TRIP6: variants seen among roughly 807,000 people sequenced by gnomAD.
The protein encoded by TRIP6 is thyroid hormone receptor interactor 6, also known as thyroid receptor-interacting protein 6.
TRIP6 carries 33 observed loss-of-function variants against 51.9 expected under a neutral mutation model. The ratio of observed to expected loss-of-function variants is 0.64; its 90% CI spans 0.48 to 0.85. The LOEUF (loss-of-function observed/expected upper bound fraction) is 0.85, where lower values mean the gene tolerates loss of function less well. Among genes scored for constraint, TRIP6 ranks in the 40% least tolerant of loss-of-function variants. The pLI is 0.00. For missense variants in TRIP6, 661 were observed against 652.1 expected, an observed-to-expected ratio of 1.01 and a Z score of -0.15; for synonymous variants, 255 against 275.8, an observed-to-expected ratio of 0.92 and a Z score of 0.75.
At position 100,870,604 on chromosome 7, in the gene TRIP6, T is replaced by C. The variant is rs953691970; in HGVS notation, c.860T>C (p.Val287Ala). Residue 287 changes from valine to alanine, a missense_variant, in exon 6 of 9, where the codon GTT becomes GCT. By Grantham distance (64) the Val-to-Ala change is moderately conservative. Transcript: ENST00000200457. Reference sequence around the variant, plus strand: ...TGTGGTGGCTGCGGAGAAGATGTGGTTGGGGATGGGGCTGGGGTTGTGGCC... The same window carrying C: ...TGTGGTGGCTGCGGAGAAGATGTGGCTGGGGATGGGGCTGGGGTTGTGGCC... ...GQCGGCGEDV[V>A]GDGAGVVALD... The C allele has an allele frequency of 1.9e-6, 3 of 1,613,934 alleles. No homozygotes were observed. Among genetic ancestry groups the C allele is most frequent in the Admixed American group, 3.3e-5 (2 of 59,982 alleles).
In TRIP6 at chr7:100,868,555, T is replaced by C; in HGVS notation, c.424T>C (p.Ser142Pro). The stretch of plus-strand genomic sequence containing the variant: ...GGGCTCCCTGAAGCCAAATCCAGCC[T>C]CGCCGCTCCCAGCGTCTCCCTATGG... ...RTGSLKPNPA[S>P]PLPASPYGGP... Residue 142 changes from serine (S) to proline (P), a missense_variant, in exon 4 of 9, where the codon TCG becomes CCG. Coordinates refer to ENST00000200457, the MANE Select transcript of TRIP6 (RefSeq NM_003302.3). 3 of 1,613,054 alleles carry C rather than the reference T, an allele frequency of 1.9e-6. No homozygotes were observed. Among genetic ancestry groups the C allele is most frequent in the Non-Finnish European group, 2.5e-6 (3 of 1,180,012 alleles).
chr7:100,872,772 G>T (rs762900030), intron 8 of TRIP6, 28 bp downstream of exon 8: 3 of 1,613,308 alleles, frequency 1.9e-6, no homozygotes, highest in African/African-American at 1.3e-5. Flanking sequence ...CGTGCAAGGG[G>T]CTGGCAGTGT....
In TRIP6 at chr7:100,868,181, T is replaced by C; in HGVS notation, c.311T>C (p.Leu104Pro). Residue 104 changes from leucine to proline, a missense_variant, in exon 3 of 9, where the codon CTG becomes CCG. Transcript: ENST00000200457. ...DAEIDLLSST[L>P]AELNGGRGHA... is the part of the protein sequence containing the mutation. ...GAGATAGACTTGCTGAGCAGCACGC[T>C]GGCCGAGCTGAATGGGGGTCGGGGT... 1 of 1,609,430 alleles carries C rather than the reference T, an allele frequency of 6.2e-7. No individual in the cohort carries two copies. Among genetic ancestry groups the C allele is most frequent in the Non-Finnish European group, 8.5e-7 (1 of 1,178,196 alleles).
rs1055149272 is a variant in TRIP6, at chr7:100,867,399, C to G, written c.-99C>G. ...AAAAAAAAAAGCCAGAAAAAGTTTTCTTTTCTGGAGTCCCAAACGAGGTGC... is the reference window on the plus strand; with the variant it reads ...AAAAAAAAAAGCCAGAAAAAGTTTTGTTTTCTGGAGTCCCAAACGAGGTGC... On this transcript the variant is annotated 5_prime_UTR_variant, in exon 1 of 9. Coordinates refer to ENST00000200457, the MANE Select transcript of TRIP6 (RefSeq NM_003302.3). The surrounding 1 kb of genome is among the most constrained non-coding windows in gnomAD (Gnocchi z 5.4). 28 of 912,416 alleles carry G rather than the reference C, an allele frequency of 3.1e-5. No individual in the cohort carries two copies. The highest frequency in any genetic ancestry group is 4.2e-5 in the Non-Finnish European group (27 of 649,206). 56.5% of individuals were successfully genotyped at this position (912,416 alleles called of 1,614,324 possible).
intron 6 of TRIP6, 75 bp from the exon 7 acceptor site, chr7:100,871,468 T>C (rs1815265812): frequency 1.3e-6 from 2 of 1,508,058 alleles, no homozygotes; most frequent in Non-Finnish European, 1.8e-6. Context: ...ATTAGATGGC[T>C]GGGTTGCTGG....
In TRIP6 at chr7:100,868,567, G is replaced by C. The variant is rs1563002058; in HGVS notation, c.436G>C (p.Ala146Pro). Reference sequence around the variant, plus strand: ...GCCAAATCCAGCCTCGCCGCTCCCAGCGTCTCCCTATGGGGGCCCCACTCC... The same window carrying C: ...GCCAAATCCAGCCTCGCCGCTCCCACCGTCTCCCTATGGGGGCCCCACTCC... ...LKPNPASPLP[A>P]SPYGGPTPAS... is the part of the protein sequence containing the mutation. Residue 146 changes from alanine (A) to proline (P), a missense_variant, in exon 4 of 9, where the codon GCG becomes CCG. Physicochemically the swap from Ala to Pro is conservative, Grantham distance 27 (BLOSUM62 -1). Coordinates refer to ENST00000200457, the MANE Select transcript of TRIP6 (RefSeq NM_003302.3). 3 of 1,613,046 alleles carry C rather than the reference G, an allele frequency of 1.9e-6. No homozygotes were observed. Among genetic ancestry groups the C allele is most frequent in the Non-Finnish European group, 1.7e-6 (2 of 1,180,016 alleles).
Position 100,867,911 on chromosome 7 carries a change from T to C in TRIP6, c.160T>C (p.Cys54Arg). The C allele has an allele frequency of 2.0e-6, 3 of 1,525,106 alleles. No individual in the cohort carries two copies. The highest frequency in any genetic ancestry group is 2.6e-6 in the Non-Finnish European group (3 of 1,143,602). The allele number at this position is 1,525,106 out of a possible 1,614,324, so 94.5% of individuals were successfully genotyped here. Reference protein sequence around the residue: ...VNFCPLPSEQCYQAPGGPEDR... With the variant: ...VNFCPLPSEQRYQAPGGPEDR... ...TTTTTGCCCCCTTCCATCTGAGCAG[T>C]GTTACCAGGCCCCAGGGGGACCGGA... The change falls in exon 2 of 9, where the codon TGT (cysteine) becomes CGT (arginine). Residue 54 changes from cysteine (C) to arginine (R), a missense_variant. Physicochemically the swap from Cys to Arg is radical, Grantham distance 180 (BLOSUM62 -3). Transcript: ENST00000200457. The surrounding 1 kb of genome is among the most constrained non-coding windows in gnomAD (Gnocchi z 5.4).
At chr7:100,871,429 C>T (rs1467252124) in intron 6 of TRIP6, 114 bp from the exon 7 acceptor site, 6 of 996,062 alleles carry the variant, frequency 6.0e-6, no homozygotes, top group Admixed American at 4.5e-5. Context: ...GAATCACATG[C>T]AGGAGGCTGC....
In TRIP6 at chr7:100,867,955, G is replaced by C; in HGVS notation, c.204G>C (p.Trp68Cys). The C allele has an allele frequency of 6.6e-7, 1 of 1,514,202 alleles. No homozygotes were observed. 93.8% of individuals were successfully genotyped at this position (1,514,202 alleles called of 1,614,324 possible). A position where few individuals can be genotyped will look rare whatever the true frequency, so the allele number is the denominator to read the frequency against. Reference protein sequence around the residue: ...PGGPEDRGPAWVGSHGVLQHT... With the variant: ...PGGPEDRGPACVGSHGVLQHT... ...GACCGGAGGATCGGGGGCCGGCGTG[G>C]GTGGGGTCCCATGGAGTACTCCAGC... Residue 68 changes from tryptophan to cysteine, a missense_variant, in exon 2 of 9, where the codon TGG (tryptophan) becomes TGC (cysteine). By Grantham distance (215) the Trp-to-Cys change is radical (BLOSUM62 -2). Coordinates refer to ENST00000200457, the MANE Select transcript of TRIP6 (RefSeq NM_003302.3). The surrounding 1 kb of genome is among the most constrained non-coding windows in gnomAD (Gnocchi z 5.4).
Position 100,873,248 on chromosome 7 carries a change from C to T in TRIP6, c.1376C>T (p.Ala459Val), listed in dbSNP as rs1434314444. 6.2e-7 allele frequency: 1 copy of T among 1,613,524 alleles called. No homozygotes were observed. Among genetic ancestry groups the T allele is most frequent in the South Asian group, 1.1e-5 (1 of 91,080 alleles). ...YPLDGHILCK[A>V]CSAWRIQELS... ...CTGGATGGGCACATCTTGTGCAAGGCCTGCAGCGCCTGGCGCATCCAGGAG... is the reference window on the plus strand; with the variant it reads ...CTGGATGGGCACATCTTGTGCAAGGTCTGCAGCGCCTGGCGCATCCAGGAG... The change falls in exon 9 of 9, where the codon GCC (alanine) becomes GTC (valine). Residue 459 changes from alanine to valine, a missense_variant. Ala to Val is a moderately conservative substitution (Grantham distance 64, BLOSUM62 0). Transcript: ENST00000200457.
chr7:100,867,453 G>A lies in TRIP6; in HGVS notation c.-45G>A, dbSNP rs1338547538. 8.9e-6 allele frequency: 12 copies of A among 1,352,744 alleles called. No individual in the cohort carries two copies. The highest frequency in any genetic ancestry group is 1.2e-5 in the Non-Finnish European group (12 of 1,026,920). 83.8% of individuals were successfully genotyped at this position (1,352,744 alleles called of 1,614,324 possible). ...ACGGAAGAGGGGGTGAAGGCCAGAG[G>A]CTCGGGGCTTCAAGACCGCTGTCTG... is the stretch of plus-strand genomic sequence containing the variant. On this transcript the variant is annotated 5_prime_UTR_variant, in exon 1 of 9. Coordinates refer to ENST00000200457, the MANE Select transcript of TRIP6 (RefSeq NM_003302.3). This position sits in a 1 kb window ranked among gnomAD's most constrained non-coding sequence, Gnocchi z 5.4.
intron 4 of TRIP6, 83 bp from the exon 5 acceptor site, chr7:100,870,287 C>G: frequency 7.1e-7 from 1 of 1,408,778 alleles, no homozygotes; most frequent in Non-Finnish European, 9.8e-7. Context: ...CAGTTCCTAA[C>G]AGGCCATGGC....
chr7:100,867,438 G>A lies in TRIP6; in HGVS notation c.-60G>A, dbSNP rs1283968794. 5 of 1,234,546 alleles carry A rather than the reference G, an allele frequency of 4.1e-6. No individual in the cohort carries two copies. Among genetic ancestry groups the A allele is most frequent in the South Asian group, 1.6e-5 (1 of 60,842 alleles). The allele number at this position is 1,234,546 out of a possible 1,614,324, so 76.5% of individuals were successfully genotyped here. ...CAAACGAGGTGCGGGACGGAAGAGG[G>A]GGTGAAGGCCAGAGGCTCGGGGCTT... On this transcript the variant is annotated 5_prime_UTR_variant, in exon 1 of 9. Transcript: ENST00000200457. The surrounding 1 kb of genome is among the most constrained non-coding windows in gnomAD (Gnocchi z 5.4).
intron 7 of TRIP6, 97 bp from the exon 8 acceptor site, chr7:100,872,527 C>T (rs1379790877): frequency 6.4e-7 from 1 of 1,558,498 alleles, no homozygotes; most frequent in African/African-American, 1.4e-5. Flanking sequence ...CCTCTGGCCT[C>T]TCTGATTCCC....
chr7:100,872,280 G>A (rs1017788373), intron 7 of TRIP6, among the ~76,000 whole-genome samples: 1 of 144,758 alleles, frequency 6.9e-6, no homozygotes, highest in Non-Finnish European at 1.5e-5. Flanking sequence ...CGATCCACCT[G>A]CCTCGGCCGC....
At chr7:100,869,057 C>A in intron 4 of TRIP6, among the ~76,000 whole-genome samples, 191 bp downstream of exon 4, 1 of 152,214 alleles carries the variant, frequency 6.6e-6, no homozygotes, top group South Asian at 2.1e-4. Flanking sequence ...AAGTGATTCT[C>A]CTGCCTCAGC....
intron 4 of TRIP6, among the ~76,000 whole-genome samples, chr7:100,869,670 G>GC (rs1815228484): frequency 6.7e-6 from 1 of 149,466 alleles, no homozygotes; most frequent in South Asian, 2.1e-4. Context: ...CTGCCTACGG[G>GC]CCCCTGGGCT....
intron 5 of TRIP6, 22 bp from the exon 6 acceptor site, chr7:100,870,552 T>C: frequency 6.2e-7 from 1 of 1,610,382 alleles, no homozygotes; most frequent in Non-Finnish European, 8.5e-7. Flanking sequence ...TGAAGACTGA[T>C]GCTGTTTCTC....
intron 7 of TRIP6, 74 bp from the exon 8 acceptor site, chr7:100,872,550 C>T: frequency 6.3e-7 from 1 of 1,590,544 alleles, no homozygotes; most frequent in Non-Finnish European, 8.6e-7. Context: ...CTGTGCCCCA[C>T]CTTCTCTGGG....
Sources: gnomAD v4.1 joint callset for allele counts (sites outside exome capture counted in the v4.1 genomes callset) on GRCh38, gnomAD v4.1.1 for gene constraint, Gnocchi (gnomAD v3.1) non-coding constraint, MANE v1.5 for transcripts, NCBI Gene and HGNC (gene_info 2026-07-23, HGNC 2026-07-21) for gene names.